BTG4: variants seen among roughly 807,000 people sequenced by gnomAD.
The protein encoded by BTG4 is BTG anti-proliferation factor 4.
A neutral mutation model predicts 19.3 loss-of-function variants in BTG4; 10 were observed. The observed-to-expected ratio is 0.52, with a 90% CI of 0.32 to 0.88. The LOEUF (loss-of-function observed/expected upper bound fraction) is 0.88, where lower values mean the gene tolerates loss of function less well. Among genes scored for constraint, BTG4 ranks in the 40% least tolerant of loss-of-function variants. BTG4 has a pLI of 0.04. For missense variants in BTG4, 238 were observed against 281.9 expected (o/e 0.84, Z 1.11); for synonymous variants, 91 against 95.7 (o/e 0.95, Z 0.29).
intron 5 of BTG4, among the ~76,000 whole-genome samples, chr11:111,476,866 T>A (rs1433106387): frequency 6.6e-6 from 1 of 152,154 alleles, no homozygotes; most frequent in Non-Finnish European, 1.5e-5. Context: ...CAAGTCTTAG[T>A]TTGATTTAAT....
chr11:111,482,698 T>C (rs1350152698), intron 5 of BTG4, among the ~76,000 whole-genome samples: 1 of 152,112 alleles, frequency 6.6e-6, no homozygotes, highest in African/African-American at 2.4e-5. Context: ...GGAAAGATAG[T>C]CTTTTCATTT....
chr11:111,496,910 A>C (rs937981861), intron 4 of BTG4: 1 of 359,794 alleles, frequency 2.8e-6, no homozygotes, highest in Admixed American at 4.6e-5. Context: ...AATCCCACTA[A>C]TCTTAATCTT....
At chr11:111,395,925 G>A in the BTG4 span, among the ~76,000 whole-genome samples, 8 of 152,310 alleles carry the variant, frequency 5.3e-5, no homozygotes, top group African/African-American at 1.9e-4. Context: ...CCCTCAACCT[G>A]GTCCACCAGC....
chr11:111,432,416 G>T, the BTG4 span, among the ~76,000 whole-genome samples: 1 of 152,202 alleles, frequency 6.6e-6, no homozygotes, highest in Non-Finnish European at 1.5e-5. Context: ...AGTCGAGGTG[G>T]GTAGATCACC....
the BTG4 span, among the ~76,000 whole-genome samples, chr11:111,461,180 G>A: frequency 6.6e-6 from 1 of 152,130 alleles, no homozygotes; most frequent in East Asian, 1.9e-4. Flanking sequence ...TTCTCAGTCT[G>A]GTTACGTTTC....
At chr11:111,511,275 G>T (rs1866888541) in intron 1 of BTG4, among the ~76,000 whole-genome samples, 1 of 152,188 alleles carries the variant, frequency 6.6e-6, no homozygotes, top group Admixed American at 6.5e-5. Flanking sequence ...ACAGAACAAA[G>T]TATGCATTTG....
At chr11:111,417,563 C>G in the BTG4 span, 1 of 152,212 alleles carries the variant, frequency 6.6e-6, no homozygotes, top group African/African-American at 2.4e-5. Context: ...GACACAGGGA[C>G]AGCATGAACT....
At chr11:111,507,806 G>A (rs1298933465) in intron 1 of BTG4, 3 of 152,032 alleles carry the variant, frequency 2.0e-5, no homozygotes, top group African/African-American at 7.2e-5. Context: ...TTTTCTATTC[G>A]AGATTAATAC....
intron 1 of BTG4, among the ~76,000 whole-genome samples, chr11:111,506,665 G>A (rs906874689): frequency 2.0e-5 from 3 of 151,952 alleles, no homozygotes; most frequent in South Asian, 2.1e-4. Flanking sequence ...GTAAGAAAAT[G>A]TTCCTATGTG....
intron 5 of BTG4, among the ~76,000 whole-genome samples, chr11:111,485,508 T>TGA (rs2135594495): frequency 6.6e-6 from 1 of 152,162 alleles, no homozygotes; most frequent in Admixed American, 6.5e-5. Flanking sequence ...TAACCGACCA[T>TGA]GAGGTCAATG....
chr11:111,471,450 A>C (rs1864056893), intron 5 of BTG4, among the ~76,000 whole-genome samples: 1 of 152,166 alleles, frequency 6.6e-6, no homozygotes, highest in Admixed American at 6.5e-5. Flanking sequence ...CATCAGCAGC[A>C]TTTGACATAT....
chr11:111,426,781 C>T, the BTG4 span, among the ~76,000 whole-genome samples: 1 of 152,218 alleles, frequency 6.6e-6, no homozygotes, highest in Non-Finnish European at 1.5e-5. Context: ...GCATCAGAGG[C>T]AGGCAGGCCC....
At chr11:111,456,112 T>C in the BTG4 span, among the ~76,000 whole-genome samples, 296 of 152,238 alleles carry the variant, frequency 1.9e-3, 2 homozygotes, top group African/African-American at 6.0e-3. The surrounding 1 kb of genome is among the most constrained non-coding windows in gnomAD (Gnocchi z 4.2). Context: ...AACAAAGCCA[T>C]GGCAAGTCAT....
At chr11:111,407,077 GGC>G in the BTG4 span, among the ~76,000 whole-genome samples, 14 of 151,572 alleles carry the variant, frequency 9.2e-5, 1 homozygote, top group African/African-American at 3.4e-4. Flanking sequence ...AACAGTGTCT[GGC>G]ACATGGTAAG....
At chr11:111,456,426 C>G in the BTG4 span, 6 of 436,196 alleles carry the variant, frequency 1.4e-5, no homozygotes, top group Middle Eastern at 7.4e-4. The surrounding 1 kb of genome is among the most constrained non-coding windows in gnomAD (Gnocchi z 4.2). Context: ...CCAGCTCCTT[C>G]CAGTCACCAG....
At chr11:111,403,239 A>C in the BTG4 span, among the ~76,000 whole-genome samples, 1 of 152,244 alleles carries the variant, frequency 6.6e-6, no homozygotes. Flanking sequence ...ACAATTGTGT[A>C]CATAGAAATC....
At chr11:111,444,706 A>G in the BTG4 span, among the ~76,000 whole-genome samples, 1 of 152,242 alleles carries the variant, frequency 6.6e-6, no homozygotes, top group African/African-American at 2.4e-5. Flanking sequence ...ACCTACAAAA[A>G]TTTAAAAAAT....
chr11:111,403,779 G>A, the BTG4 span, among the ~76,000 whole-genome samples: 1 of 152,232 alleles, frequency 6.6e-6, no homozygotes, highest in Non-Finnish European at 1.5e-5. Context: ...TGATGATGGT[G>A]ATGACAGTAT....
At chr11:111,448,697 C>G in the BTG4 span, 1 of 152,670 alleles carries the variant, frequency 6.6e-6, no homozygotes, top group African/African-American at 2.4e-5. Context: ...GGCCCAAGGA[C>G]AGGCTGCGTT....
Sources: gnomAD v4.1 joint callset for allele counts (sites outside exome capture counted in the v4.1 genomes callset) on GRCh38, gnomAD v4.1.1 for gene constraint, Gnocchi (gnomAD v3.1) non-coding constraint, MANE v1.5 for transcripts, NCBI Gene and HGNC (gene_info 2026-07-23, HGNC 2026-07-21) for gene names.